Variants in TMC5 observed in about 807,000 individuals in gnomAD.
TMC5 encodes transmembrane channel like 5, also known as transmembrane channel-like protein 5.
TMC5 carries 86 observed loss-of-function variants against 110.5 expected under a neutral mutation model. The observed-to-expected ratio is 0.78, with a 90% confidence interval of 0.65 to 0.93. The LOEUF is 0.93. Ranked by LOEUF, TMC5 falls within the 40% of genes least tolerant of loss-of-function variation. The probability of loss-of-function intolerance (pLI) is 0.00; values close to 1 mark genes in which losing one functional copy is unlikely to be tolerated. For synonymous variants in TMC5, 455 were observed against 439.5 expected, an observed-to-expected ratio of 1.04 and a Z score of -0.44; for missense variants, 1,144 against 1,222.8, an observed-to-expected ratio of 0.94 and a Z score of 0.96.
In TMC5 at chr16:19,497,127, G is replaced by A. The variant is rs201597255; in HGVS notation, c.2938G>A (p.Gly980Ser). 2.0e-5 allele frequency: 32 copies of A among 1,613,884 alleles called. No individual in the cohort carries two copies. The highest frequency in any genetic ancestry group is 2.5e-5 in the Non-Finnish European group (30 of 1,179,954). ...VLERREVEQQGFLHLGEHDGS... is the reference protein window; with the variant it reads ...VLERREVEQQSFLHLGEHDGS... ...TTGTTTTTTTCTTTTTCAGCAACAA[G>A]GCTTTTTGCATTTGGGGGAACATGA... Residue 980 changes from glycine (G) to serine (S), a missense_variant, in exon 21 of 22, where the codon GGC becomes AGC. Physicochemically the swap from Gly to Ser is moderately conservative, Grantham distance 56 (BLOSUM62 0). Coordinates refer to ENST00000542583, the MANE Select transcript of TMC5 (RefSeq NM_001261841.2).
intron 7 of TMC5, 87 bp downstream of exon 7, chr16:19,463,454 C>A: frequency 2.6e-6 from 3 of 1,148,186 alleles, no homozygotes; most frequent in Admixed American, 3.5e-5. Flanking sequence ...GGAAGATGAA[C>A]CAAAAATCAG....
chr16:19,492,912 TTAGA>T (rs1555486829), intron 19 of TMC5, among the ~76,000 whole-genome samples: 2 of 55,420 alleles, frequency 3.6e-5, no homozygotes, highest in Non-Finnish European at 1.1e-4. Flanking sequence ...TTATTAAAAC[TTAGA>T]TATATATATA....
chr16:19,469,558 G>A (rs961119522), intron 9 of TMC5, 123 bp from the exon 10 acceptor site: 1 of 1,243,280 alleles, frequency 8.0e-7, no homozygotes. Flanking sequence ...CAGGCCAACA[G>A]CTTGGGGCTA....
chr16:19,417,945 T>A lies in TMC5; in HGVS notation c.-455T>A, dbSNP rs1966895363. On this transcript the variant is annotated 5_prime_UTR_variant, in exon 1 of 22. Transcript: ENST00000542583. ...GTGTGACCAAGATAGCAAGGAGCAGTCTTTAAGGCGACACGGCAGAGAGGC... is the reference window on the plus strand; with the variant it reads ...GTGTGACCAAGATAGCAAGGAGCAGACTTTAAGGCGACACGGCAGAGAGGC... The A allele has an allele frequency of 6.6e-6, 1 of 152,196 alleles. No homozygotes were observed. The highest frequency in any genetic ancestry group is 1.5e-5 in the Non-Finnish European group (1 of 68,016). The allele number at this position is 152,196 out of a possible 1,614,324, so 9.4% of individuals were successfully genotyped here.
intron 20 of TMC5, 24 bp from the exon 21 acceptor site, chr16:19,497,097 G>A (rs781133348): frequency 6.2e-7 from 1 of 1,613,616 alleles, no homozygotes; most frequent in South Asian, 1.1e-5. Flanking sequence ...CCGTGACGTG[G>A]CTGCTTGTTT....
At chr16:19,461,428 G>A (rs1290384721) in intron 6 of TMC5, among the ~76,000 whole-genome samples, 1 of 152,056 alleles carries the variant, frequency 6.6e-6, no homozygotes, top group Non-Finnish European at 1.5e-5. Flanking sequence ...ACAAAACTTA[G>A]CCGGGTGTGG....
chr16:19,474,084 T>C (rs745674689), intron 11 of TMC5, 41 bp from the exon 12 acceptor site: 2 of 1,601,410 alleles, frequency 1.2e-6, no homozygotes, highest in East Asian at 2.2e-5. Context: ...AGGGGTACAG[T>C]GTACAAGTCA....
At chr16:19,415,505 C>A (rs1382926060), upstream of TMC5, among the ~76,000 whole-genome samples, 1 of 152,172 alleles carries the variant, frequency 6.6e-6, no homozygotes, top group African/African-American at 2.4e-5. Flanking sequence ...ATGCACAGAG[C>A]AGTCCCCCCA....
At chr16:19,491,019 T>C (rs1159589772) in intron 18 of TMC5, among the ~76,000 whole-genome samples, 1 of 143,556 alleles carries the variant, frequency 7.0e-6, no homozygotes, top group African/African-American at 2.7e-5. Context: ...TCTCTCTTTC[T>C]TTTTTGGTTG....
intron 14 of TMC5, among the ~76,000 whole-genome samples, chr16:19,480,031 T>C (rs1968579941): frequency 1.3e-5 from 2 of 152,110 alleles, no homozygotes; most frequent in Admixed American, 1.3e-4. Flanking sequence ...TATTCTAGTA[T>C]ATATTCCTCC....
At chr16:19,434,357 T>A (rs1567300605) in intron 2 of TMC5, among the ~76,000 whole-genome samples, 1 of 108,034 alleles carries the variant, frequency 9.3e-6, no homozygotes, top group Non-Finnish European at 1.7e-5. Context: ...ATGATCTATA[T>A]TATATATATA....
At chr16:19,461,798 G>T (rs1968029979) in intron 6 of TMC5, among the ~76,000 whole-genome samples, 1 of 152,084 alleles carries the variant, frequency 6.6e-6, no homozygotes, top group Non-Finnish European at 1.5e-5. Flanking sequence ...ATGGATGTAG[G>T]ATTTTCTGAG....
At chr16:19,494,700 G>A (rs1033203192) in intron 20 of TMC5, among the ~76,000 whole-genome samples, 4 of 152,044 alleles carry the variant, frequency 2.6e-5, no homozygotes, top group African/African-American at 9.7e-5. Flanking sequence ...CCAGCTACTT[G>A]GGAGGCTGAG....
intron 10 of TMC5, 122 bp from the exon 11 acceptor site, chr16:19,471,966 G>C: frequency 1.0e-6 from 1 of 967,622 alleles, no homozygotes; most frequent in Non-Finnish European, 1.6e-6. Context: ...TCACCATGTT[G>C]TCCAGGCTGG....
chr16:19,458,495 G>A (rs1319702517), intron 5 of TMC5, among the ~76,000 whole-genome samples: 4 of 152,100 alleles, frequency 2.6e-5, no homozygotes, highest in Non-Finnish European at 5.9e-5. Flanking sequence ...TTACAGGTGT[G>A]AGCCACCATG....
upstream of TMC5, among the ~76,000 whole-genome samples, chr16:19,416,660 G>A (rs983385110): frequency 2.0e-5 from 3 of 152,168 alleles, no homozygotes; most frequent in Non-Finnish European, 4.4e-5. Flanking sequence ...ATTTGAATTC[G>A]AGTCAACTGT....
chr16:19,422,386 C>T (rs1315124044), intron 1 of TMC5, among the ~76,000 whole-genome samples: 1 of 152,180 alleles, frequency 6.6e-6, no homozygotes, highest in Non-Finnish European at 1.5e-5. Flanking sequence ...AAAGGAAACT[C>T]CAATGCCCTG....
chr16:19,482,289 C>G (rs7187388), intron 15 of TMC5, among the ~76,000 whole-genome samples: 3,418 of 152,196 alleles, frequency 0.022, 122 homozygotes, highest in African/African-American at 0.076. Context: ...AACTCCTGAC[C>G]TCAGGTGATC....
Position 19,498,027 on chromosome 16 carries a change from T to G in TMC5, c.*61T>G. 6.6e-7 allele frequency: 1 copy of G among 1,504,036 alleles called. No individual in the cohort carries two copies. The highest frequency in any genetic ancestry group is 9.3e-7 in the Non-Finnish European group (1 of 1,079,332). 93.2% of individuals were successfully genotyped at this position (1,504,036 alleles called of 1,614,324 possible). A position where few individuals can be genotyped will look rare whatever the true frequency, so the allele number is the denominator to read the frequency against. On this transcript the variant is annotated 3_prime_UTR_variant, in exon 22 of 22. Coordinates refer to ENST00000542583, the MANE Select transcript of TMC5 (RefSeq NM_001261841.2). ...GGGAGGAGACGAAAATGGAATGATT[T>G]CTTCCATGCCACCTGTGCCTTTAGG... is the stretch of plus-strand genomic sequence containing the variant.
Sources: allele counts gnomAD v4.1 joint callset (sites outside exome capture counted in the v4.1 genomes callset), GRCh38; gene constraint gnomAD v4.1.1; transcripts MANE v1.5; gene names NCBI Gene and HGNC (gene_info 2026-07-23, HGNC 2026-07-21).